The following PTPRF variants were observed in gnomAD, a reference collection of about 807,000 sequenced individuals.
PTPRF encodes the protein receptor-type tyrosine-protein phosphatase F.
Under a neutral mutation model 201.8 loss-of-function variants are expected in PTPRF, and 59 were observed. That is an observed-to-expected ratio of 0.29 (90% CI 0.24 to 0.36). PTPRF has a LOEUF of 0.36. Ranked by LOEUF, PTPRF falls within the 10% of genes least tolerant of loss-of-function variation. PTPRF has a pLI of 1.00. For missense variants in PTPRF, 2,132 were observed against 2,690.5 expected (o/e 0.79, Z 4.59); for synonymous variants, 1,088 against 1,089.7 (o/e 1.00, Z 0.03).
chr1:43,569,222 C>A lies in PTPRF; in HGVS notation c.380-368C>A, dbSNP rs996217314. 1.7e-3 allele frequency among the ~76,000 whole-genome samples: 228 copies of A among 137,344 alleles called. 4 individuals carry two copies. Among genetic ancestry groups the A allele is most frequent in the Admixed American group, 0.014 (193 of 13,924 alleles). 90.1% of individuals were successfully genotyped at this position (137,344 alleles called of 152,430 possible). On this transcript the variant is annotated intron_variant, in intron 5 of 33. Coordinates refer to ENST00000359947, the MANE Select transcript of PTPRF (RefSeq NM_002840.5). ...ATGCTGCGCGAGCTCCCTGCTAGCC[C>A]CCCCCCCCACCCCCTGCAGCCCCAG... is the stretch of plus-strand genomic sequence containing the variant.
chr1:43,542,864 A>G lies in PTPRF; in HGVS notation c.-45-2167A>G, dbSNP rs1351102912. On this transcript the variant is annotated intron_variant, in intron 2 of 33. Transcript: ENST00000359947. The surrounding 1 kb of genome is among the most constrained non-coding windows in gnomAD (Gnocchi z 5.2). ...CCTCTGCTCATTGTACTGGGGAGCT[A>G]TATCCCATGATGACGGTGCTGTGCA... is the stretch of plus-strand genomic sequence containing the variant. Among the ~76,000 whole-genome samples, 1 of 152,146 alleles carries G rather than the reference A, an allele frequency of 6.6e-6. No homozygotes were observed. Among genetic ancestry groups the G allele is most frequent in the African/African-American group, 2.4e-5 (1 of 41,424 alleles).
rs2154025325 is a variant in PTPRF, at chr1:43,604,822, G to C, written c.3038-81G>C. On this transcript the variant is annotated intron_variant, in intron 16 of 33. Transcript: ENST00000359947. The stretch of plus-strand genomic sequence containing the variant: ...TGTTCCCCAACCAGTGTCTCATCCT[G>C]GCCATTCACCTTCCACCCTTCCAGC... 4 of 1,193,090 alleles carry C rather than the reference G, an allele frequency of 3.4e-6. No homozygotes were observed. The East Asian group carries it at 9.3e-5, about 28-fold the overall frequency. 73.9% of individuals were successfully genotyped at this position (1,193,090 alleles called of 1,614,324 possible).
chr1:43,612,644 C>A, intron 22 of PTPRF: 2 of 793,330 alleles, frequency 2.5e-6, no homozygotes, highest in Non-Finnish European at 3.8e-6. Flanking sequence ...TCTCCGCCAG[C>A]CCCTCGCAAG....
chr1:43,615,653 G>GCC (rs1292415358), intron 23 of PTPRF, among the ~76,000 whole-genome samples: 2 of 140,788 alleles, frequency 1.4e-5, no homozygotes, highest in Non-Finnish European at 3.0e-5. Flanking sequence ...TGCAAGCTCT[G>GCC]CCTCCTGGGT....
intron 11 of PTPRF, among the ~76,000 whole-genome samples, chr1:43,596,991 G>A (rs1287698017): frequency 6.6e-6 from 1 of 152,116 alleles, no homozygotes; most frequent in African/African-American, 2.4e-5. Flanking sequence ...GATACTCCAA[G>A]ACATTGTGTG....
At chr1:43,615,557 TTTTTTTTTTTTTTTTTTTTTTTTTC>T (rs2154031831) in intron 23 of PTPRF, among the ~76,000 whole-genome samples, 1 of 59,500 alleles carries the variant, frequency 1.7e-5, no homozygotes, top group African/African-American at 6.0e-5. Context: ...TTGTCTTTTT[TTTTTTTTTTTTTTTTTTTTTTTTTC>T]TTTTTTGGAA....
At chr1:43,525,803 T>TC (rs1643084450), upstream of PTPRF, among the ~76,000 whole-genome samples, 1 of 13,358 alleles carries the variant, frequency 7.5e-5, no homozygotes, top group African/African-American at 3.0e-4. Flanking sequence ...AGACTCAGTC[T>TC]CAAAAAAAAA....
At chr1:43,592,400 A>T (rs1570418601) in intron 10 of PTPRF, 57 bp from the exon 11 acceptor site, 3 of 1,552,298 alleles carry the variant, frequency 1.9e-6, no homozygotes, top group Non-Finnish European at 2.6e-6. Context: ...GTTGGGGAAC[A>T]ACCTGTGAGT....
chr1:43,551,976 C>T (rs1422092987), intron 3 of PTPRF, among the ~76,000 whole-genome samples: 5 of 152,118 alleles, frequency 3.3e-5, no homozygotes, highest in Admixed American at 6.5e-5. Context: ...CTCCCTACCC[C>T]GCTCCCATAG....
Position 43,619,159 on chromosome 1 carries a change from G to A in PTPRF, c.4603G>A (p.Ala1535Thr), listed in dbSNP as rs762901411. ...PILAFLRRVK[A>T]CNPLDAGPMV... ...CCTGGCCTTCCTACGACGGGTCAAG[G>A]CCTGCAACCCCCTAGACGCAGGGCC... is the stretch of plus-strand genomic sequence containing the variant. Residue 1535 changes from alanine to threonine, a missense_variant, in exon 27 of 34, where the codon GCC becomes ACC. By Grantham distance (58) the Ala-to-Thr change is moderately conservative. This residue lies in a region of PTPRF where 519 missense variants were observed against 659.5 expected (regional missense o/e 0.79). Transcript: ENST00000359947. The A allele has an allele frequency of 3.8e-6, 6 of 1,590,308 alleles. No individual in the cohort carries two copies. The highest frequency in any genetic ancestry group is 5.1e-6 in the Non-Finnish European group (6 of 1,166,676).
intron 7 of PTPRF, among the ~76,000 whole-genome samples, chr1:43,583,803 G>A: frequency 6.6e-6 from 1 of 152,154 alleles, no homozygotes; most frequent in East Asian, 1.9e-4. Flanking sequence ...TCCAAATTAA[G>A]ATCCTCCTAC....
chr1:43,609,093 C>A (rs1186735823), intron 21 of PTPRF, among the ~76,000 whole-genome samples: 1 of 152,172 alleles, frequency 6.6e-6, no homozygotes, highest in African/African-American at 2.4e-5. Flanking sequence ...CTGCAGTGAC[C>A]TGCCTTCTAT....
At chr1:43,574,039 T>C (rs2819340) in intron 6 of PTPRF, among the ~76,000 whole-genome samples, 100,280 of 138,094 alleles carry the variant, frequency 0.73, 36,588 homozygotes, top group East Asian at 0.79. Context: ...TCTTGGTACC[T>C]AGGCTGGAGT....
At chr1:43,597,510 G>A (rs559253317) in intron 11 of PTPRF, among the ~76,000 whole-genome samples, 1 of 152,234 alleles carries the variant, frequency 6.6e-6, no homozygotes, top group East Asian at 1.9e-4. Flanking sequence ...TGATAACTGT[G>A]TGTGTATCAC....
chr1:43,597,915 G>T lies in PTPRF; in HGVS notation c.1981G>T (p.Gly661Cys). ...GGACCGCGGGCGGCATGTGGTGGAT[G>T]GCATCAGCCGTGAGCACTCCAGCTG... ...GEDRGRHVVD[G>C]ISREHSSWDL... Residue 661 changes from glycine to cysteine, a missense_variant, in exon 12 of 34, where the codon GGC becomes TGC. Gly to Cys is a radical substitution (Grantham distance 159). Transcript: ENST00000359947. 1 of 1,599,606 alleles carries T rather than the reference G, an allele frequency of 6.3e-7. No individual in the cohort carries two copies. The highest frequency in any genetic ancestry group is 1.1e-5 in the South Asian group (1 of 88,066).
At chr1:43,563,291 G>A (rs2842194) in intron 5 of PTPRF, among the ~76,000 whole-genome samples, 32,536 of 151,950 alleles carry the variant, frequency 0.21, 4,162 homozygotes, top group South Asian at 0.41. Context: ...AGGTGGGGGT[G>A]CCATTTCTAA....
intron 14 of PTPRF, 48 bp downstream of exon 14, chr1:43,602,145 C>T (rs1466147646): frequency 6.3e-7 from 1 of 1,579,002 alleles, no homozygotes; most frequent in East Asian, 2.2e-5. Flanking sequence ...TCAAGCTGGG[C>T]TCGTGGGACG....
intron 23 of PTPRF, among the ~76,000 whole-genome samples, chr1:43,615,622 A>G (rs927566751): frequency 7.7e-6 from 1 of 130,448 alleles, no homozygotes; most frequent in Admixed American, 9.1e-5. Context: ...GCTGGAGTGC[A>G]GTGGCGTGAT....
intron 5 of PTPRF, among the ~76,000 whole-genome samples, chr1:43,564,869 G>A (rs984863272): frequency 1.3e-5 from 2 of 152,132 alleles, no homozygotes; most frequent in Non-Finnish European, 2.9e-5. Flanking sequence ...AGCTTCCCTG[G>A]TGCAGCCCCC....
Sources: allele counts gnomAD v4.1 joint callset (sites outside exome capture counted in the v4.1 genomes callset), GRCh38; gene constraint gnomAD v4.1.1; regional missense constraint gnomAD v4.1.1; non-coding constraint Gnocchi (gnomAD v3.1); transcripts MANE v1.5; gene names NCBI Gene and HGNC (gene_info 2026-07-23, HGNC 2026-07-21).